Variants in RUNX1 observed in about 807,000 individuals in gnomAD.
RUNX1 encodes runt-related transcription factor 1.
A neutral mutation model predicts 42.8 loss-of-function variants in RUNX1; 19 were observed. The observed-to-expected ratio is 0.44, with a 90% CI of 0.31 to 0.65. RUNX1 has a LOEUF of 0.65. Ranked by LOEUF, RUNX1 falls within the 30% of genes least tolerant of loss-of-function variation. The pLI is 0.07. For synonymous variants in RUNX1, 271 were observed against 289.4 expected (o/e 0.94, Z 0.64); for missense variants, 528 against 672.0 (o/e 0.79, Z 2.37).
At chr21:34,866,354 G>C (rs573603469) in intron 5 of RUNX1, among the ~76,000 whole-genome samples, 2 of 152,306 alleles carry the variant, frequency 1.3e-5, no homozygotes, top group East Asian at 3.9e-4. Context: ...GTCAGTGAAG[G>C]CTCAGGTTCT....
chr21:34,889,384 G>GGT (rs1278395707), intron 3 of RUNX1, among the ~76,000 whole-genome samples: 1 of 151,934 alleles, frequency 6.6e-6, no homozygotes, highest in African/African-American at 2.4e-5. Context: ...TTCTGTAATG[G>GGT]GTGTTTTTTA....
intron 7 of RUNX1, among the ~76,000 whole-genome samples, chr21:34,800,048 T>C (rs1445529982): frequency 6.6e-6 from 1 of 152,206 alleles, no homozygotes; most frequent in African/African-American, 2.4e-5. Flanking sequence ...TGAGGTCTAA[T>C]GACTAGTTCA....
chr21:34,889,921 G>A, intron 3 of RUNX1: 1 of 964,470 alleles, frequency 1.0e-6, no homozygotes, highest in African/African-American at 1.7e-5. Flanking sequence ...CCAGTCCCCG[G>A]ATCCCGGCCC....
At chr21:34,930,886 A>C (rs1257774274) in intron 2 of RUNX1, among the ~76,000 whole-genome samples, 1 of 152,116 alleles carries the variant, frequency 6.6e-6, no homozygotes, top group Non-Finnish European at 1.5e-5. Flanking sequence ...AGAAGATGAC[A>C]GTTCCTCATC....
rs1019137753 is a variant in RUNX1, at chr21:34,788,763, G to A, written c.*3372C>T. ...ATCCCAAAACAAATGTATACGCTACGGTAAACAAAAAGGCATTTTGTTCAG... is the reference window on the plus strand; with the variant it reads ...ATCCCAAAACAAATGTATACGCTACAGTAAACAAAAAGGCATTTTGTTCAG... On this transcript the variant is annotated 3_prime_UTR_variant, in exon 9 of 9. Coordinates refer to ENST00000675419, the MANE Select transcript of RUNX1 (RefSeq NM_001754.5). The A allele has an allele frequency of 2.1e-5, 5 of 233,316 alleles. No individual in the cohort carries two copies. The highest frequency in any genetic ancestry group is 1.8e-4 in the South Asian group (1 of 5,522). 14.5% of individuals were successfully genotyped at this position (233,316 alleles called of 1,614,324 possible).
intron 7 of RUNX1, among the ~76,000 whole-genome samples, chr21:34,808,436 T>A (rs368233866): frequency 6.6e-6 from 1 of 152,148 alleles, no homozygotes; most frequent in Admixed American, 6.5e-5. Flanking sequence ...CCGGGACCCG[T>A]ATTCATCACC....
At chr21:34,974,859 G>A (rs2058789112) in intron 2 of RUNX1, among the ~76,000 whole-genome samples, 1 of 152,166 alleles carries the variant, frequency 6.6e-6, no homozygotes, top group Non-Finnish European at 1.5e-5. Context: ...AACATTTTAA[G>A]TAACAGACTG....
rs550545329 is a variant in RUNX1, at chr21:34,877,155, G to A, written c.508+3402C>T. 3.9e-5 allele frequency among the ~76,000 whole-genome samples: 6 copies of A among 152,180 alleles called. 1 individual carries two copies. In the South Asian group the frequency reaches 6.2e-4, roughly 16 times the overall value. ...ATTACAGGTGTGAGCCACTGTGCCC[G>A]GATACCAATTGCTAAAATTTCTTAA... On this transcript the variant is annotated intron_variant, in intron 5 of 8. Coordinates refer to ENST00000675419, the MANE Select transcript of RUNX1 (RefSeq NM_001754.5).
At chr21:34,918,576 A>G (rs2058329834) in intron 2 of RUNX1, among the ~76,000 whole-genome samples, 1 of 152,220 alleles carries the variant, frequency 6.6e-6, no homozygotes, top group South Asian at 2.1e-4. Context: ...CCTGAGGCCT[A>G]TACTGTAAAT....
At chr21:34,852,265 A>T (rs996374599) in intron 6 of RUNX1, among the ~76,000 whole-genome samples, 1 of 152,196 alleles carries the variant, frequency 6.6e-6, no homozygotes, top group Non-Finnish European at 1.5e-5. Flanking sequence ...AAGAATACAC[A>T]GGCCACGCCA....
At chr21:34,891,802 T>C (rs1427680172) in intron 3 of RUNX1, among the ~76,000 whole-genome samples, 1 of 152,054 alleles carries the variant, frequency 6.6e-6, no homozygotes, top group Non-Finnish European at 1.5e-5. Flanking sequence ...GGGAGGAGAA[T>C]TGAAAACGGC....
intron 5 of RUNX1, among the ~76,000 whole-genome samples, chr21:34,862,015 G>A (rs1279381226): frequency 6.6e-6 from 1 of 151,524 alleles, no homozygotes; most frequent in Non-Finnish European, 1.5e-5. Context: ...AGGAGAGAGG[G>A]GGTATTTAAA....
intron 2 of RUNX1, among the ~76,000 whole-genome samples, chr21:34,930,975 T>C (rs113673494): frequency 4.1e-4 from 63 of 152,142 alleles, no homozygotes; most frequent in African/African-American, 1.5e-3. Context: ...GCAGTCACAA[T>C]GGTAGCAGAC....
intron 2 of RUNX1, among the ~76,000 whole-genome samples, chr21:34,995,733 G>A (rs1368117123): frequency 6.6e-6 from 1 of 152,170 alleles, no homozygotes; most frequent in East Asian, 1.9e-4. Context: ...GAACCACCAT[G>A]CCTGGCATCT....
intron 2 of RUNX1, among the ~76,000 whole-genome samples, chr21:34,920,087 C>A (rs1179434744): frequency 6.6e-6 from 1 of 152,104 alleles, no homozygotes; most frequent in African/African-American, 2.4e-5. Context: ...GTGGACATAG[C>A]AAAATAACCA....
At chr21:34,996,548 G>T (rs2058998070) in intron 2 of RUNX1, among the ~76,000 whole-genome samples, 1 of 151,890 alleles carries the variant, frequency 6.6e-6, no homozygotes. Context: ...CGAAGACCAG[G>T]GCAGAATCTT....
chr21:34,968,836 A>G (rs148257085), intron 2 of RUNX1, among the ~76,000 whole-genome samples: 218 of 152,258 alleles, frequency 1.4e-3, no homozygotes, highest in African/African-American at 4.8e-3. Context: ...GTCATTTCTG[A>G]ACTTTTCTGA....
chr21:34,803,323 G>A (rs1486042901), intron 7 of RUNX1, among the ~76,000 whole-genome samples: 1 of 152,060 alleles, frequency 6.6e-6, no homozygotes, highest in East Asian at 1.9e-4. Context: ...CGAGGCGGGT[G>A]GATCATGAGG....
chr21:34,970,643 C>A (rs2058757393), intron 2 of RUNX1, among the ~76,000 whole-genome samples: 1 of 152,202 alleles, frequency 6.6e-6, no homozygotes, highest in Admixed American at 6.5e-5. Context: ...CACTTTGGTG[C>A]ACTCTTAATG....
Sources: allele counts gnomAD v4.1 joint callset (sites outside exome capture counted in the v4.1 genomes callset), GRCh38; gene constraint gnomAD v4.1.1; transcripts MANE v1.5; gene names NCBI Gene and HGNC (gene_info 2026-07-23, HGNC 2026-07-21).